The following THSD7A variants were observed in gnomAD, a reference collection of about 807,000 sequenced individuals.
THSD7A encodes the protein thrombospondin type 1 domain containing 7A.
In THSD7A, 96 loss-of-function variants were observed where a neutral mutation model predicts 231.3. The observed-to-expected ratio is 0.41, with a 90% CI of 0.35 to 0.49. The LOEUF (loss-of-function observed/expected upper bound fraction) is 0.49. Ranked by LOEUF, THSD7A falls within the 20% of genes least tolerant of loss-of-function variation. The pLI, the probability that THSD7A is intolerant of heterozygous loss-of-function variation, is 0.05. For synonymous variants in THSD7A, 940 were observed against 743.3 expected, an observed-to-expected ratio of 1.26 and a Z score of -4.30; for missense variants, 2,290 against 2,070.2, an observed-to-expected ratio of 1.11 and a Z score of -2.06.
At chr7:11,395,874 A>G (rs1057496758) in intron 23 of THSD7A, among the ~76,000 whole-genome samples, 1 of 152,154 alleles carries the variant, frequency 6.6e-6, no homozygotes, top group Non-Finnish European at 1.5e-5. Context: ...TCTAAAATTG[A>G]CCACATAGTT....
chr7:11,497,440 A>G (rs916167893), intron 6 of THSD7A, among the ~76,000 whole-genome samples: 2 of 152,212 alleles, frequency 1.3e-5, no homozygotes, highest in Non-Finnish European at 2.9e-5. Flanking sequence ...AATGTACCTC[A>G]TTGCATTTCT....
intron 13 of THSD7A, among the ~76,000 whole-genome samples, chr7:11,429,412 T>C (rs1784414613): frequency 6.6e-6 from 1 of 152,198 alleles, no homozygotes; most frequent in South Asian, 2.1e-4. Context: ...TAATTGACAA[T>C]AACCTGTCTG....
intron 2 of THSD7A, among the ~76,000 whole-genome samples, chr7:11,622,545 T>G (rs746755349): frequency 2.0e-5 from 3 of 152,112 alleles, no homozygotes; most frequent in Admixed American, 1.3e-4. Flanking sequence ...CTGAATCTGA[T>G]GCTGGTGTTA....
rs1781750707 is a variant in THSD7A at position 11,634,090 on chromosome 7, T to C, written c.1022+2040A>G. 6.6e-6 allele frequency among the ~76,000 whole-genome samples: 1 copy of C among 152,152 alleles called. No homozygotes were observed. The highest frequency in any genetic ancestry group is 1.5e-5 in the Non-Finnish European group (1 of 68,010). On this transcript the variant is annotated intron_variant, in intron 2 of 27. Coordinates refer to ENST00000423059, the MANE Select transcript of THSD7A (RefSeq NM_015204.3). The surrounding 1 kb of genome is among the most constrained non-coding windows in gnomAD (Gnocchi z 4.1). ...CAAAATATCTGATTTTTATCTCTTC[T>C]TCTCTAGGACTTTCTTGATCACACA... is the stretch of plus-strand genomic sequence containing the variant.
intron 2 of THSD7A, among the ~76,000 whole-genome samples, chr7:11,623,999 A>G (rs919388979): frequency 6.6e-6 from 1 of 152,180 alleles, no homozygotes. Flanking sequence ...TGTTTCTAGT[A>G]TTTGCCAGCA....
At chr7:11,659,560 ATTATT>A (rs1177030938) in intron 1 of THSD7A, among the ~76,000 whole-genome samples, 1 of 151,314 alleles carries the variant, frequency 6.6e-6, no homozygotes, top group Admixed American at 6.6e-5. Context: ...AATAATAGAT[ATTATT>A]TTATTGTAGC....
At chr7:11,537,715 T>C (rs1788971796) in intron 6 of THSD7A, among the ~76,000 whole-genome samples, 3 of 152,202 alleles carry the variant, frequency 2.0e-5, no homozygotes, top group Admixed American at 2.0e-4. Flanking sequence ...GCCTCAGGTA[T>C]TTCTTTATAA....
chr7:11,714,903 C>T (rs1004123293), intron 1 of THSD7A, among the ~76,000 whole-genome samples: 1 of 151,326 alleles, frequency 6.6e-6, no homozygotes, highest in South Asian at 2.1e-4. Context: ...TCAAGGTTAG[C>T]TGAGTAAATC....
intron 22 of THSD7A, among the ~76,000 whole-genome samples, chr7:11,402,383 A>G (rs568398864): frequency 2.6e-5 from 4 of 152,316 alleles, no homozygotes; most frequent in Non-Finnish European, 4.4e-5. Context: ...GGTATTCACA[A>G]TTTTGAAAAG....
chr7:11,468,141 G>C (rs967276251), intron 9 of THSD7A, among the ~76,000 whole-genome samples: 64 of 151,926 alleles, frequency 4.2e-4, no homozygotes, highest in Non-Finnish European at 7.1e-4. Flanking sequence ...TTAACAATTT[G>C]CTTATAAATG....
intron 6 of THSD7A, among the ~76,000 whole-genome samples, chr7:11,538,566 G>A (rs190608158): frequency 1.6e-3 from 246 of 152,168 alleles, no homozygotes; most frequent in African/African-American, 5.4e-3. Context: ...GCGGGTTTTG[G>A]GTCATTCCCC....
chr7:11,532,276 C>A (rs1350152832), intron 6 of THSD7A, among the ~76,000 whole-genome samples: 2 of 152,092 alleles, frequency 1.3e-5, no homozygotes, highest in Non-Finnish European at 2.9e-5. Flanking sequence ...ACCCACCCAA[C>A]CCAAAGAATT....
intron 19 of THSD7A, 111 bp from the exon 20 acceptor site, chr7:11,407,534 G>A: frequency 1.4e-6 from 1 of 726,718 alleles, no homozygotes; most frequent in Admixed American, 2.7e-5. Flanking sequence ...CCACATAAGA[G>A]AATAAAATGT....
chr7:11,700,522 T>A (rs183059921), intron 1 of THSD7A, among the ~76,000 whole-genome samples: 2 of 151,232 alleles, frequency 1.3e-5, no homozygotes, highest in African/African-American at 4.8e-5. Context: ...AAATACTTAA[T>A]ATATAACAAA....
intron 2 of THSD7A, among the ~76,000 whole-genome samples, chr7:11,594,934 G>A (rs1489463897): frequency 6.6e-6 from 1 of 152,238 alleles, no homozygotes; most frequent in East Asian, 1.9e-4. Context: ...ATGCAGACGT[G>A]TGGGGGGACC....
At chr7:11,428,832 A>T in intron 14 of THSD7A, 115 bp downstream of exon 14, 1 of 1,252,148 alleles carries the variant, frequency 8.0e-7, no homozygotes, top group Non-Finnish European at 1.1e-6. Flanking sequence ...TCTAATGGTA[A>T]AAATGGGTCA....
chr7:11,605,651 T>C (rs1432456078), intron 2 of THSD7A, among the ~76,000 whole-genome samples: 1 of 152,184 alleles, frequency 6.6e-6, no homozygotes, highest in Non-Finnish European at 1.5e-5. Context: ...GTAGCCCTAC[T>C]TGTAACAGAC....
chr7:11,415,261 C>T (rs1033197526), intron 17 of THSD7A, among the ~76,000 whole-genome samples: 4 of 152,220 alleles, frequency 2.6e-5, no homozygotes, highest in African/African-American at 7.2e-5. Context: ...ACATTCTCTT[C>T]CAAATGAATA....
At chr7:11,710,841 T>A (rs1298577705) in intron 1 of THSD7A, among the ~76,000 whole-genome samples, 6 of 150,958 alleles carry the variant, frequency 4.0e-5, no homozygotes. Context: ...TAGAGTTGAA[T>A]TTGAGTAAGT....
Sources: gnomAD v4.1 joint callset for allele counts (sites outside exome capture counted in the v4.1 genomes callset) on GRCh38, gnomAD v4.1.1 for gene constraint, Gnocchi (gnomAD v3.1) non-coding constraint, MANE v1.5 for transcripts, NCBI Gene and HGNC (gene_info 2026-07-23, HGNC 2026-07-21) for gene names.